DOCK1: variants seen among roughly 807,000 people sequenced by gnomAD.
DOCK1 encodes the protein dedicator of cytokinesis 1, also known as dedicator of cytokinesis protein 1.
Under a neutral mutation model 262.7 loss-of-function variants are expected in DOCK1, and 138 were observed. The observed-to-expected ratio is 0.53, with a 90% CI of 0.46 to 0.61. The LOEUF (loss-of-function observed/expected upper bound fraction) is 0.61. Among genes scored for constraint, DOCK1 ranks in the 20% least tolerant of loss-of-function variants. The pLI, the probability that DOCK1 is intolerant of heterozygous loss-of-function variation, is 0.00. For missense variants in DOCK1, 1,908 were observed against 2,370.7 expected, an observed-to-expected ratio of 0.80 and a Z score of 4.05; for synonymous variants, 866 against 867.4, an observed-to-expected ratio of 1.00 and a Z score of 0.03.
intron 1 of DOCK1, among the ~76,000 whole-genome samples, chr10:126,946,840 C>A (rs1367931004): frequency 6.6e-6 from 1 of 152,200 alleles, no homozygotes; most frequent in African/African-American, 2.4e-5. Context: ...ATGGTTTCTT[C>A]CCAGCATTTG....
Position 127,129,144 on chromosome 10 carries a change from C to T in DOCK1, c.2847+1380C>T, listed in dbSNP as rs544892775. Among the ~76,000 whole-genome samples the T allele has an allele frequency of 9.2e-4, 140 of 152,220 alleles. 2 individuals carry two copies. In the Middle Eastern group the frequency reaches 0.01, roughly 11 times the overall value. On this transcript the variant is annotated intron_variant, in intron 27 of 51. Transcript: ENST00000623213. ...GGTGTCACCACAGAGGACTCCGTGT[C>T]GTGTGCGTCACAGACAGGTCGCACA...
Position 127,043,083 on chromosome 10 carries a change from T to C in DOCK1, c.2120T>C (p.Ile707Thr), listed in dbSNP as rs774692785. Residue 707 changes from isoleucine (I) to threonine (T), a missense_variant, in exon 21 of 52, where the codon ATT becomes ACT. Around this residue, in one of 9 missense-constraint regions of DOCK1, gnomAD observed 294 missense variants for 439.9 expected, o/e 0.67. Coordinates refer to ENST00000623213, the MANE Select transcript of DOCK1 (RefSeq NM_001290223.2). ...TGACAGGTATTTATCATTGGACTGATTGCTGATAGAAAATTTCAGCATTTT... is the reference window on the plus strand; with the variant it reads ...TGACAGGTATTTATCATTGGACTGACTGCTGATAGAAAATTTCAGCATTTT... ...FDALVFIIGL[I>T]ADRKFQHFNP... is the part of the protein sequence containing the mutation. 6 of 1,608,482 alleles carry C rather than the reference T, an allele frequency of 3.7e-6. No homozygotes were observed. Among genetic ancestry groups the C allele is most frequent in the Non-Finnish European group, 5.1e-6 (6 of 1,176,942 alleles).
At chr10:127,322,325 G>T (rs1333887465) in intron 29 of DOCK1, among the ~76,000 whole-genome samples, 1 of 148,836 alleles carries the variant, frequency 6.7e-6, no homozygotes, top group East Asian at 2.0e-4. Context: ...AAGTAGCTGG[G>T]ATTACAAGCA....
At chr10:127,132,654 T>A (rs527573053) in intron 27 of DOCK1, among the ~76,000 whole-genome samples, 1 of 152,168 alleles carries the variant, frequency 6.6e-6, no homozygotes, top group South Asian at 2.1e-4. Context: ...TGGCCAGCCA[T>A]TGGGTGTGTG....
At chr10:127,103,750 A>C (rs1367176843) in intron 23 of DOCK1, among the ~76,000 whole-genome samples, 1 of 152,120 alleles carries the variant, frequency 6.6e-6, no homozygotes, top group East Asian at 1.9e-4. Flanking sequence ...GTTCTTGTTA[A>C]CCTTATGAGG....
At chr10:127,442,091 G>A (rs1042547331) in intron 49 of DOCK1, among the ~76,000 whole-genome samples, 1 of 152,168 alleles carries the variant, frequency 6.6e-6, no homozygotes, top group Non-Finnish European at 1.5e-5. Flanking sequence ...CAGAGGAGGT[G>A]CAGCTCCTGG....
intron 27 of DOCK1, among the ~76,000 whole-genome samples, chr10:127,144,843 G>C (rs903775286): frequency 3.3e-5 from 5 of 152,122 alleles, no homozygotes; most frequent in African/African-American, 1.2e-4. Flanking sequence ...TATCACTGTA[G>C]GGCTTCAAAT....
At chr10:127,047,493 A>G (rs986278844) in intron 21 of DOCK1, among the ~76,000 whole-genome samples, 95 of 152,212 alleles carry the variant, frequency 6.2e-4, no homozygotes, top group Non-Finnish European at 2.6e-4. Context: ...ACAAAACAGC[A>G]TTGTTATTTT....
intron 29 of DOCK1, among the ~76,000 whole-genome samples, chr10:127,261,633 A>ATGTGGGTGTG (rs376600136): frequency 0.072 from 2,828 of 39,160 alleles, 164 homozygotes; most frequent in Non-Finnish European, 0.083. Flanking sequence ...GTGTGTGTGC[A>ATGTGGGTGTG]TGTGTACCTG....
In DOCK1 at chr10:127,382,663, G is replaced by A. The variant is rs77515029; in HGVS notation, c.3807+1295G>A. The stretch of plus-strand genomic sequence containing the variant: ...TCATTTATTCAAAACTCAAATTTCA[G>A]TAGCAAGGTGTTTTTTGCAAATGTG... On this transcript the variant is annotated intron_variant, in intron 37 of 51. Coordinates refer to ENST00000623213, the MANE Select transcript of DOCK1 (RefSeq NM_001290223.2). Among the ~76,000 whole-genome samples the A allele has an allele frequency of 9.9e-4, 151 of 152,320 alleles. 1 individual carries two copies. The highest frequency in any genetic ancestry group is 3.2e-3 in the African/African-American group (135 of 41,574).
intron 1 of DOCK1, among the ~76,000 whole-genome samples, chr10:126,950,951 G>C (rs1232353620): frequency 6.6e-6 from 1 of 152,056 alleles, no homozygotes; most frequent in African/African-American, 2.4e-5. Flanking sequence ...GGCGGTGATG[G>C]TGGTGGTGGT....
chr10:126,905,740 C>A (rs1424487771), intron 1 of DOCK1, among the ~76,000 whole-genome samples, 177 bp downstream of exon 1: 2 of 150,110 alleles, frequency 1.3e-5, no homozygotes, highest in Non-Finnish European at 3.0e-5. Flanking sequence ...CCGCCCCGCG[C>A]CCCCGGCGGC....
chr10:127,095,690 T>A (rs1487746922), intron 23 of DOCK1, among the ~76,000 whole-genome samples: 3 of 151,750 alleles, frequency 2.0e-5, no homozygotes, highest in Non-Finnish European at 4.4e-5. Flanking sequence ...TGTGTGTGTG[T>A]GAGCAATTAA....
chr10:127,426,461 G>A lies in DOCK1; in HGVS notation c.4914+450G>A, dbSNP rs2068824738. On this transcript the variant is annotated intron_variant, in intron 47 of 51. Coordinates refer to ENST00000623213, the MANE Select transcript of DOCK1 (RefSeq NM_001290223.2). ...CCCAAGGTTGACATCAGAGGATCAT[G>A]GCCATCGAGGAAGAAGTGACCAACA... Among the ~76,000 whole-genome samples the A allele has an allele frequency of 3.9e-5, 6 of 152,184 alleles. No individual in the cohort carries two copies. In the South Asian group the frequency reaches 1.2e-3, roughly 31 times the overall value.
intron 33 of DOCK1, among the ~76,000 whole-genome samples, chr10:127,362,933 A>ATCCCCACACACACACACATGCACC (rs2064626064): frequency 1.4e-5 from 1 of 71,768 alleles, no homozygotes; most frequent in African/African-American, 7.2e-5. Flanking sequence ...ACACATGCAC[A>ATCCCCACACACACACACATGCACC]TCCCCCCACA....
At chr10:126,968,171 C>T (rs1374079509) in intron 1 of DOCK1, among the ~76,000 whole-genome samples, 1 of 152,190 alleles carries the variant, frequency 6.6e-6, no homozygotes, top group Middle Eastern at 3.4e-3. Flanking sequence ...CCCCTGTGGC[C>T]GTGAAAGCTT....
chr10:127,261,439 G>A (rs1335930648), intron 29 of DOCK1, among the ~76,000 whole-genome samples: 1 of 144,552 alleles, frequency 6.9e-6, no homozygotes, highest in Non-Finnish European at 1.5e-5. Context: ...ATCTGTGTGT[G>A]TACCTGCATG....
At chr10:127,053,277 G>A (rs1460166691) in intron 22 of DOCK1, among the ~76,000 whole-genome samples, 1 of 152,244 alleles carries the variant, frequency 6.6e-6, no homozygotes, top group African/African-American at 2.4e-5. Context: ...GGGAGGCGGA[G>A]CTTGCAGCGA....
chr10:127,139,447 A>G (rs552354905), intron 27 of DOCK1, among the ~76,000 whole-genome samples: 2 of 152,200 alleles, frequency 1.3e-5, no homozygotes, highest in South Asian at 2.1e-4. Flanking sequence ...TGCTCCCAAA[A>G]CAAGTTATCC....
Sources: gnomAD v4.1 joint callset for allele counts (sites outside exome capture counted in the v4.1 genomes callset) on GRCh38, gnomAD v4.1.1 for gene constraint, gnomAD v4.1.1 regional missense constraint, MANE v1.5 for transcripts, NCBI Gene and HGNC (gene_info 2026-07-23, HGNC 2026-07-21) for gene names.